Variants in CAGE1 observed in about 807,000 individuals in gnomAD.
CAGE1 encodes the protein cancer-associated gene 1 protein.
In CAGE1, 66 loss-of-function variants were observed where a neutral mutation model predicts 94.9. That is an observed-to-expected ratio of 0.70 (90% CI 0.57 to 0.85). The LOEUF is 0.85. Ranked by LOEUF, CAGE1 falls within the 40% of genes least tolerant of loss-of-function variation. The pLI is 0.00. For missense variants in CAGE1, 865 were observed against 950.4 expected (o/e 0.91, Z 1.18); for synonymous variants, 319 against 321.0 (o/e 0.99, Z 0.07).
chr6:7,374,552 A>G (rs1760670486), intron 4 of CAGE1, among the ~76,000 whole-genome samples: 1 of 147,564 alleles, frequency 6.8e-6, no homozygotes, highest in Non-Finnish European at 1.5e-5. Flanking sequence ...TTTTTTTTAC[A>G]TGTTATTACT....
At chr6:7,343,190 C>CAAAAAA (rs769864903) in intron 11 of CAGE1, among the ~76,000 whole-genome samples, 1 of 113,506 alleles carries the variant, frequency 8.8e-6, no homozygotes. Flanking sequence ...CTCTGTCCCA[C>CAAAAAA]AAAAAAAAAA....
chr6:7,362,077 G>C lies in CAGE1; in HGVS notation c.2193+3391C>G, dbSNP rs1388737324. Among the ~76,000 whole-genome samples, 4 of 152,188 alleles carry C rather than the reference G, an allele frequency of 2.6e-5. No individual in the cohort carries two copies. The highest frequency in any genetic ancestry group is 5.9e-5 in the Non-Finnish European group (4 of 68,022). On this transcript the variant is annotated intron_variant, in intron 9 of 13. Coordinates refer to ENST00000502583, the MANE Select transcript of CAGE1 (RefSeq NM_001170692.2). This position sits in a 1 kb window ranked among gnomAD's most constrained non-coding sequence, Gnocchi z 4.1. ...CACTTGGAAAATTTTTCCTAAAGCA[G>C]TAATTTTCTACTTTGCCTGTTCCTT...
At chr6:7,353,091 CAG>C (rs1230593528) in intron 11 of CAGE1, among the ~76,000 whole-genome samples, 1 of 152,196 alleles carries the variant, frequency 6.6e-6, no homozygotes, top group African/African-American at 2.4e-5. Flanking sequence ...GAATAGTCAG[CAG>C]AGTCAACAGA....
At chr6:7,331,353 A>T (rs1758747615) in intron 12 of CAGE1, 1 of 1,042,912 alleles carries the variant, frequency 9.6e-7, no homozygotes, top group Non-Finnish European at 1.4e-6. Context: ...GGACAAGGCA[A>T]ATCCCAGGAC....
At chr6:7,376,744 T>C (rs540880529) in intron 4 of CAGE1, among the ~76,000 whole-genome samples, 1 of 152,140 alleles carries the variant, frequency 6.6e-6, no homozygotes, top group Non-Finnish European at 1.5e-5. Flanking sequence ...CAGGTCCTAG[T>C]AGGTACCATG....
intron 11 of CAGE1, chr6:7,341,367 A>C: frequency 1.3e-6 from 1 of 769,472 alleles, no homozygotes; most frequent in Non-Finnish European, 2.3e-6. Context: ...GTGATCAGGC[A>C]GACTTTTCAT....
intron 7 of CAGE1, among the ~76,000 whole-genome samples, chr6:7,366,242 T>A (rs1340103392): frequency 1.6e-5 from 2 of 128,350 alleles, no homozygotes; most frequent in Non-Finnish European, 3.1e-5. Context: ...CAAGACTCTG[T>A]CTCAAAAAAA....
intron 11 of CAGE1, among the ~76,000 whole-genome samples, chr6:7,344,131 C>T (rs887544985): frequency 6.6e-6 from 1 of 152,226 alleles, no homozygotes; most frequent in Non-Finnish European, 1.5e-5. Context: ...TTGAGGAGCC[C>T]TTCAGCCCAC....
At chr6:7,383,421 T>C (rs111365149) in intron 3 of CAGE1, among the ~76,000 whole-genome samples, 1 of 152,190 alleles carries the variant, frequency 6.6e-6, no homozygotes, top group Non-Finnish European at 1.5e-5. Flanking sequence ...ATTTTCTGCA[T>C]TGAGAGAGCC....
intron 12 of CAGE1, among the ~76,000 whole-genome samples, chr6:7,330,521 G>A (rs1056646239): frequency 2.0e-5 from 3 of 152,142 alleles, no homozygotes; most frequent in Non-Finnish European, 2.9e-5. Context: ...AAGAACTAGA[G>A]GCAAAAATAA....
intron 4 of CAGE1, among the ~76,000 whole-genome samples, chr6:7,376,741 T>C (rs1417710218): frequency 1.3e-5 from 2 of 152,180 alleles, no homozygotes; most frequent in African/African-American, 4.8e-5. Context: ...CTTCAGGTCC[T>C]AGTAGGTACC....
At chr6:7,382,022 TAG>T (rs1760952049) in intron 3 of CAGE1, among the ~76,000 whole-genome samples, 2 of 151,258 alleles carry the variant, frequency 1.3e-5, no homozygotes, top group Non-Finnish European at 1.5e-5. Flanking sequence ...GTATTTTTGG[TAG>T]AGACGGGGTT....
At position 7,378,624 on chromosome 6, in the gene CAGE1, A is replaced by G. The variant is rs1760832344; in HGVS notation, c.680T>C (p.Leu227Ser). The G allele has an allele frequency of 1.3e-6, 2 of 1,579,164 alleles. No homozygotes were observed. Among genetic ancestry groups the G allele is most frequent in the African/African-American group, 1.4e-5 (1 of 72,940 alleles). Residue 227 changes from leucine to serine, a missense_variant, in exon 4 of 14, where the codon TTA (leucine) becomes TCA (serine). Leu to Ser is a moderately radical substitution (Grantham distance 145). Transcript: ENST00000502583. ...ATTATTGTGTACACTTTCCTTACAT[A>G]AGAAGCTTGGAGGTTGGCTAGGGTT... ...ALNPSQPPSF[L>S]CKTAVPSKEI...
intron 5 of CAGE1, among the ~76,000 whole-genome samples, chr6:7,372,809 T>C (rs948311110): frequency 6.6e-6 from 1 of 152,112 alleles, no homozygotes; most frequent in Admixed American, 6.5e-5. Context: ...GATAGGACTA[T>C]AGGCGCACAC....
intron 12 of CAGE1, among the ~76,000 whole-genome samples, chr6:7,330,467 A>C (rs1758706332): frequency 6.6e-6 from 1 of 152,230 alleles, no homozygotes; most frequent in African/African-American, 2.4e-5. Context: ...TACTTAGGAT[A>C]CGATTCTGAC....
At position 7,362,047 on chromosome 6, in the gene CAGE1, T is replaced by C. The variant is rs576797059; in HGVS notation, c.2193+3421A>G. Among the ~76,000 whole-genome samples the C allele has an allele frequency of 1.8e-4, 28 of 152,366 alleles. No individual in the cohort carries two copies. The South Asian group carries it at 5.6e-3, about 30-fold the overall frequency. On this transcript the variant is annotated intron_variant, in intron 9 of 13. Transcript: ENST00000502583. The surrounding 1 kb of genome is among the most constrained non-coding windows in gnomAD (Gnocchi z 4.1). ...ATACTGGGCTTTGATTGTTTTCTTT[T>C]GGCTCACTTGGAAAATTTTTCCTAA...
At chr6:7,345,027 C>A (rs1169993445) in intron 11 of CAGE1, among the ~76,000 whole-genome samples, 3 of 152,172 alleles carry the variant, frequency 2.0e-5, no homozygotes, top group African/African-American at 7.2e-5. Flanking sequence ...AGAATAAAAC[C>A]AGGGTGCCCA....
intron 1 of CAGE1, among the ~76,000 whole-genome samples, chr6:7,388,224 A>G (rs567509866): frequency 6.6e-6 from 1 of 152,156 alleles, no homozygotes; most frequent in South Asian, 2.1e-4. Context: ...GCCTGGAGTG[A>G]CATCCCCTAC....
At chr6:7,356,430 C>G (rs775816165) in intron 9 of CAGE1, among the ~76,000 whole-genome samples, 44 of 152,194 alleles carry the variant, frequency 2.9e-4, no homozygotes, top group African/African-American at 1.1e-3. Context: ...TCTTCCTTAT[C>G]GTCTTTCCAT....
Sources: allele counts gnomAD v4.1 joint callset (sites outside exome capture counted in the v4.1 genomes callset), GRCh38; gene constraint gnomAD v4.1.1; non-coding constraint Gnocchi (gnomAD v3.1); transcripts MANE v1.5; gene names NCBI Gene and HGNC (gene_info 2026-07-23, HGNC 2026-07-21).